The following CAMTA1 variants were observed in gnomAD, a reference collection of about 807,000 sequenced individuals.
CAMTA1 encodes calmodulin binding transcription activator 1, also known as calmodulin-binding transcription activator 1.
CAMTA1 carries 27 observed loss-of-function variants against 170.9 expected under a neutral mutation model. That is an observed-to-expected ratio of 0.16 (90% confidence interval 0.12 to 0.22). The LOEUF (loss-of-function observed/expected upper bound fraction) is 0.22. CAMTA1 is among the 10% of genes least tolerant of loss of function. The pLI is 1.00. For synonymous variants in CAMTA1, 833 were observed against 891.5 expected (o/e 0.93, Z 1.17); for missense variants, 1,619 against 2,217.2 (o/e 0.73, Z 5.42).
intron 6 of CAMTA1, among the ~76,000 whole-genome samples, chr1:7,489,595 G>C (rs1169740520): frequency 6.6e-6 from 1 of 152,192 alleles, no homozygotes; most frequent in Non-Finnish European, 1.5e-5. Context: ...CACAGTCTAG[G>C]CAGGTGGAGA....
intron 3 of CAMTA1, among the ~76,000 whole-genome samples, chr1:6,845,900 A>G (rs934941682): frequency 1.3e-5 from 2 of 152,232 alleles, no homozygotes; most frequent in African/African-American, 4.8e-5. Context: ...AAGAGGTTTA[A>G]TGGACTCACA....
chr1:6,908,012 C>T (rs1403038929), intron 3 of CAMTA1, among the ~76,000 whole-genome samples: 1 of 152,218 alleles, frequency 6.6e-6, no homozygotes, highest in East Asian at 1.9e-4. Context: ...TTTTCCTTGC[C>T]TACTGGAGCC....
At chr1:6,863,640 T>C (rs1363696462) in intron 3 of CAMTA1, among the ~76,000 whole-genome samples, 1 of 152,258 alleles carries the variant, frequency 6.6e-6, no homozygotes, top group African/African-American at 2.4e-5. Flanking sequence ...AAGTAAACTT[T>C]TTAATTTAGG....
At chr1:6,925,222 C>G (rs1682854467) in intron 3 of CAMTA1, among the ~76,000 whole-genome samples, 1 of 152,220 alleles carries the variant, frequency 6.6e-6, no homozygotes, top group Non-Finnish European at 1.5e-5. Context: ...GCCATGAGGC[C>G]TCTAGAAGCT....
At chr1:6,950,958 G>T (rs534041833) in intron 3 of CAMTA1, among the ~76,000 whole-genome samples, 56 of 152,314 alleles carry the variant, frequency 3.7e-4, no homozygotes, top group African/African-American at 1.3e-3. Flanking sequence ...CTGTGCTGTT[G>T]CTGCTCATGG....
At chr1:7,719,807 T>C (rs1286076246) in intron 11 of CAMTA1, among the ~76,000 whole-genome samples, 7 of 152,204 alleles carry the variant, frequency 4.6e-5, no homozygotes, top group African/African-American at 1.7e-4. Flanking sequence ...TCCTAAAAAA[T>C]TTAGGAGACT....
rs1308676209 is a variant in CAMTA1 at position 7,300,412 on chromosome 1, C to T, written c.438+50786C>T. On this transcript the variant is annotated intron_variant, in intron 5 of 22. Coordinates refer to ENST00000303635, the MANE Select transcript of CAMTA1 (RefSeq NM_015215.4). The surrounding 1 kb of genome is among the most constrained non-coding windows in gnomAD (Gnocchi z 4.1). ...TGTATAGAGGCCAGGCGCAGTGGCT[C>T]ACGCCTGTAATCCCCATACTTTGGG... Among the ~76,000 whole-genome samples the T allele has an allele frequency of 6.6e-6, 1 of 152,200 alleles. No homozygotes were observed.
chr1:7,451,089 A>C (rs1306793889), intron 5 of CAMTA1, among the ~76,000 whole-genome samples: 1 of 152,200 alleles, frequency 6.6e-6, no homozygotes, highest in African/African-American at 2.4e-5. Context: ...CTGAGGCCCC[A>C]GACCCTGCTG....
rs1239573878 is a variant in CAMTA1 at position 7,588,174 on chromosome 1, CA to C, written c.511-52224del. 6.6e-6 allele frequency among the ~76,000 whole-genome samples: 1 copy of C among 152,094 alleles called. No homozygotes were observed. Among genetic ancestry groups the C allele is most frequent in the Non-Finnish European group, 1.5e-5 (1 of 68,042 alleles). ...GAAAGTCACAGGCCCTGCCCATTGGCAAGGTCTCTCTCTGCCTCTCAGCCAG... is the reference window on the plus strand; with the variant it reads ...GAAAGTCACAGGCCCTGCCCATTGGCAGGTCTCTCTCTGCCTCTCAGCCAG... On this transcript the variant is annotated intron_variant, in intron 6 of 22. Coordinates refer to ENST00000303635, the MANE Select transcript of CAMTA1 (RefSeq NM_015215.4). This position sits in a 1 kb window ranked among gnomAD's most constrained non-coding sequence, Gnocchi z 5.8.
At chr1:7,560,001 G>T (rs1424934723) in intron 6 of CAMTA1, among the ~76,000 whole-genome samples, 1 of 152,216 alleles carries the variant, frequency 6.6e-6, no homozygotes, top group African/African-American at 2.4e-5. Context: ...TGGGAATTCT[G>T]TGTAAAATAA....
At chr1:6,885,851 G>GT (rs1673063469) in intron 3 of CAMTA1, among the ~76,000 whole-genome samples, 1 of 152,024 alleles carries the variant, frequency 6.6e-6, no homozygotes, top group South Asian at 2.1e-4. Context: ...CCTACTTGCT[G>GT]TTCCCTTCTC....
At chr1:7,337,499 C>T (rs957831732) in intron 5 of CAMTA1, among the ~76,000 whole-genome samples, 1 of 16,180 alleles carries the variant, frequency 6.2e-5, no homozygotes, top group African/African-American at 2.7e-4. Context: ...CATCCAATCA[C>T]AGTGTGGGCC....
At chr1:7,047,793 G>C (rs1052073863) in intron 3 of CAMTA1, among the ~76,000 whole-genome samples, 6 of 151,580 alleles carry the variant, frequency 4.0e-5, no homozygotes, top group Non-Finnish European at 7.4e-5. Context: ...CCACTTGGTG[G>C]GTGGTGATGG....
intron 3 of CAMTA1, among the ~76,000 whole-genome samples, chr1:6,908,236 C>G (rs547642143): frequency 1.3e-5 from 2 of 152,346 alleles, no homozygotes; most frequent in East Asian, 3.9e-4. Context: ...CTCCAGGGTG[C>G]CAAGGCACAC....
At chr1:7,449,268 C>G (rs1318805627) in intron 5 of CAMTA1, among the ~76,000 whole-genome samples, 1 of 152,232 alleles carries the variant, frequency 6.6e-6, no homozygotes. Flanking sequence ...AGCGAAGCTG[C>G]ACCCAACGTG....
At chr1:7,687,427 G>A (rs777808165) in intron 11 of CAMTA1, among the ~76,000 whole-genome samples, 10 of 152,220 alleles carry the variant, frequency 6.6e-5, no homozygotes, top group African/African-American at 2.2e-4. Context: ...GGAGCTCCAC[G>A]GATTTGCAGA....
chr1:7,084,044 A>T (rs1460532887), intron 3 of CAMTA1, among the ~76,000 whole-genome samples: 1 of 151,894 alleles, frequency 6.6e-6, no homozygotes, highest in Non-Finnish European at 1.5e-5. Flanking sequence ...ATAAAAACCA[A>T]GCTTTAAGAA....
rs907697196 is a variant in CAMTA1, at chr1:7,565,670, C to T, written c.511-74730C>T. 6.6e-6 allele frequency among the ~76,000 whole-genome samples: 1 copy of T among 152,146 alleles called. No homozygotes were observed. On this transcript the variant is annotated intron_variant, in intron 6 of 22. Coordinates refer to ENST00000303635, the MANE Select transcript of CAMTA1 (RefSeq NM_015215.4). The surrounding 1 kb of genome is among the most constrained non-coding windows in gnomAD (Gnocchi z 4.5). The stretch of plus-strand genomic sequence containing the variant: ...TGGGGGCCTCAGCCATACTGTGGGG[C>T]TCCTTGGGGAAAGGAATTCCTGGGT...
rs539237996 is a variant in CAMTA1 at position 6,886,337 on chromosome 1, T to A, written c.234+61127T>A. ...TTCCAGAGGAACTCGTATTTTATGTTAAAAAAAATGTAATTGACATTTGAT... is the reference window on the plus strand; with the variant it reads ...TTCCAGAGGAACTCGTATTTTATGTAAAAAAAAATGTAATTGACATTTGAT... On this transcript the variant is annotated intron_variant, in intron 3 of 22. Transcript: ENST00000303635. The A allele has an allele frequency of 4.3e-5, 19 of 438,288 alleles. No individual in the cohort carries two copies. In the East Asian group the frequency reaches 1.0e-3, roughly 24 times the overall value. The allele number at this position is 438,288 out of a possible 1,614,324, so 27.1% of individuals were successfully genotyped here.
Sources: gnomAD v4.1 joint callset for allele counts (sites outside exome capture counted in the v4.1 genomes callset) on GRCh38, gnomAD v4.1.1 for gene constraint, Gnocchi (gnomAD v3.1) non-coding constraint, MANE v1.5 for transcripts, NCBI Gene and HGNC (gene_info 2026-07-23, HGNC 2026-07-21) for gene names.